Variants in WNK1 observed in about 807,000 individuals in gnomAD.
WNK1 encodes serine/threonine-protein kinase WNK1.
Under a neutral mutation model 222.8 loss-of-function variants are expected in WNK1, and 38 were observed. The observed-to-expected ratio is 0.17, with a 90% CI of 0.13 to 0.22. The LOEUF (loss-of-function observed/expected upper bound fraction) is 0.22. Among genes scored for constraint, WNK1 ranks in the 10% least tolerant of loss-of-function variants. The probability of loss-of-function intolerance (pLI) is 1.00; values close to 1 mark genes in which losing one functional copy is unlikely to be tolerated. For synonymous variants in WNK1, 1,090 were observed against 1,092.9 expected (o/e 1.00, Z 0.05); for missense variants, 2,348 against 2,918.4 (o/e 0.80, Z 4.50).
At chr12:832,099 G>T (rs181727015) in intron 4 of WNK1, among the ~76,000 whole-genome samples, 1 of 151,496 alleles carries the variant, frequency 6.6e-6, no homozygotes, top group Non-Finnish European at 1.5e-5. Context: ...TTTTTGAGAC[G>T]GCGTCTCGCT....
chr12:765,847 TAG>T (rs573951873), intron 1 of WNK1, among the ~76,000 whole-genome samples: 11 of 152,202 alleles, frequency 7.2e-5, no homozygotes, highest in Admixed American at 3.3e-4. Flanking sequence ...TTAAAGTATA[TAG>T]AGTGTTGTTT....
chr12:861,786 T>G (rs778579658), intron 7 of WNK1, among the ~76,000 whole-genome samples: 3 of 152,210 alleles, frequency 2.0e-5, no homozygotes, highest in Non-Finnish European at 4.4e-5. Context: ...ACTGAGAACC[T>G]CCTGGCCTCC....
chr12:853,691 T>C (rs750212250), intron 4 of WNK1, among the ~76,000 whole-genome samples: 1 of 152,262 alleles, frequency 6.6e-6, no homozygotes, highest in Non-Finnish European at 1.5e-5. Context: ...GTTAAATTAA[T>C]ACATAGTTTT....
chr12:771,887 C>T (rs1942547355), intron 1 of WNK1, among the ~76,000 whole-genome samples: 1 of 151,988 alleles, frequency 6.6e-6, no homozygotes, highest in African/African-American at 2.4e-5. Flanking sequence ...TAGCTTCAAG[C>T]AATCCTCCTG....
chr12:904,378 C>T (rs1342254401), intron 26 of WNK1: 4 of 1,187,352 alleles, frequency 3.4e-6, no homozygotes, highest in Non-Finnish European at 4.5e-6. Context: ...CGTTTGTGTG[C>T]TGTTTGGAGA....
At chr12:907,753 G>A (rs1476543529) in intron 26 of WNK1, 94 bp from the exon 27 acceptor site, 1 of 1,411,546 alleles carries the variant, frequency 7.1e-7, no homozygotes, top group African/African-American at 1.4e-5. Context: ...TTCTCATTCT[G>A]TGGCTTGCCA....
rs936879454 is a variant in WNK1, at chr12:759,533, G to A, written c.759+5209G>A. Among the ~76,000 whole-genome samples the A allele has an allele frequency of 2.7e-5, 4 of 147,396 alleles. 1 individual carries two copies. Among genetic ancestry groups the A allele is most frequent in the Non-Finnish European group, 6.1e-5 (4 of 66,006 alleles). On this transcript the variant is annotated intron_variant, in intron 1 of 27. Coordinates refer to ENST00000315939, the MANE Select transcript of WNK1 (RefSeq NM_018979.4). Reference sequence around the variant, plus strand: ...TTTAGTAGAGATGGGGTTTCACCATGTTGGCCAGGCTGGTCTTGAACACCT... The same window carrying A: ...TTTAGTAGAGATGGGGTTTCACCATATTGGCCAGGCTGGTCTTGAACACCT...
chr12:820,553 A>G (rs1174729715), intron 2 of WNK1, among the ~76,000 whole-genome samples: 8 of 148,118 alleles, frequency 5.4e-5, no homozygotes, highest in African/African-American at 2.5e-5. Context: ...ATAGCTCACT[A>G]CAGACTTGAA....
At chr12:840,291 C>CTTTT (rs71441622) in intron 4 of WNK1, among the ~76,000 whole-genome samples, 16 of 128,410 alleles carry the variant, frequency 1.2e-4, no homozygotes, top group African/African-American at 2.7e-4. Context: ...CCATGTCCAG[C>CTTTT]TTTTTTTTTT....
intron 26 of WNK1, among the ~76,000 whole-genome samples, chr12:903,828 T>C (rs2154100527): frequency 6.6e-6 from 1 of 152,348 alleles, no homozygotes; most frequent in South Asian, 2.1e-4. Flanking sequence ...TATTCTATGC[T>C]CTCAAAATAG....
At chr12:851,367 C>T (rs185691693) in intron 4 of WNK1, 107 of 1,059,462 alleles carry the variant, frequency 1.0e-4, no homozygotes, top group East Asian at 1.5e-4. Context: ...AGAAACTGTG[C>T]GCAAAGTAGG....
In WNK1 at chr12:908,858, T is replaced by TGGGTGGGGGG. The variant is rs1955915472; in HGVS notation, c.*69_*70insTGGGGGGGGG. On this transcript the variant is annotated 3_prime_UTR_variant, in exon 28 of 28. Coordinates refer to ENST00000315939, the MANE Select transcript of WNK1 (RefSeq NM_018979.4). ...GGAATGCTGAGGGGGTGGGTGGGGG[T>TGGGTGGGGGG]GGGAAGTAGCCTATATACTAACTAC... 3.5e-6 allele frequency: 1 copy of TGGGTGGGGGG among 288,620 alleles called. No homozygotes were observed. The highest frequency in any genetic ancestry group is 3.4e-5 in the African/African-American group (1 of 29,398). The allele number at this position is 288,620 out of a possible 1,614,324, so 17.9% of individuals were successfully genotyped here.
chr12:908,861 G>GCC lies in WNK1; in HGVS notation c.*69_*70insCC. ...ATGCTGAGGGGGTGGGTGGGGGTGG[G>GCC]AAGTAGCCTATATACTAACTACTAG... On this transcript the variant is annotated 3_prime_UTR_variant, in exon 28 of 28. Coordinates refer to ENST00000315939, the MANE Select transcript of WNK1 (RefSeq NM_018979.4). The GCC allele has an allele frequency of 2.0e-6, 1 of 491,844 alleles. No individual in the cohort carries two copies. Among genetic ancestry groups the GCC allele is most frequent in the East Asian group, 6.0e-5 (1 of 16,746 alleles). The allele number at this position is 491,844 out of a possible 1,614,324, so 30.5% of individuals were successfully genotyped here.
rs137977872 is a variant in WNK1 at position 764,710 on chromosome 12, A to G, written c.759+10386A>G. Among the ~76,000 whole-genome samples the G allele has an allele frequency of 3.6e-3, 525 of 145,784 alleles. 19 individuals are homozygous for G. The highest frequency in any genetic ancestry group is 0.012 in the African/African-American group (508 of 40,860). On this transcript the variant is annotated intron_variant, in intron 1 of 27. Coordinates refer to ENST00000315939, the MANE Select transcript of WNK1 (RefSeq NM_018979.4). ...AAACAGCCCTGACAAAAAGAAATTAAAAAAAAAGTCAGTAACAATTAAATT... is the reference window on the plus strand; with the variant it reads ...AAACAGCCCTGACAAAAAGAAATTAGAAAAAAAGTCAGTAACAATTAAATT...
At chr12:797,371 G>A (rs575970501) in intron 1 of WNK1, among the ~76,000 whole-genome samples, 6 of 152,282 alleles carry the variant, frequency 3.9e-5, no homozygotes, top group African/African-American at 1.2e-4. Flanking sequence ...AGAAACATCA[G>A]ATTAGTGGTT....
At chr12:757,424 C>T (rs569674736) in intron 1 of WNK1, among the ~76,000 whole-genome samples, 2 of 142,898 alleles carry the variant, frequency 1.4e-5, no homozygotes, top group African/African-American at 5.1e-5. Context: ...CTCCTGGGTT[C>T]AAGCGATTCT....
chr12:895,978 A>G, intron 23 of WNK1, 93 bp from the exon 24 acceptor site: 2 of 1,549,958 alleles, frequency 1.3e-6, no homozygotes, highest in South Asian at 2.3e-5. Context: ...TGACAGGGAA[A>G]TAAAGTGATT....
chr12:886,652 C>T (rs1463225372), intron 19 of WNK1, among the ~76,000 whole-genome samples: 3 of 152,194 alleles, frequency 2.0e-5, no homozygotes, highest in African/African-American at 7.2e-5. Flanking sequence ...CTCCAAATAA[C>T]AAGGCTGTGT....
chr12:899,300 T>TTTTTTGTTTTG (rs71051401), intron 25 of WNK1, among the ~76,000 whole-genome samples: 127,279 of 151,438 alleles, frequency 0.84, 53,571 homozygotes, highest in Admixed American at 0.86. Flanking sequence ...CAATCAGATC[T>TTTTTTGTTTTG]TTTTTGTTTT....
Sources: allele counts gnomAD v4.1 joint callset (sites outside exome capture counted in the v4.1 genomes callset), GRCh38; gene constraint gnomAD v4.1.1; transcripts MANE v1.5; gene names NCBI Gene and HGNC (gene_info 2026-07-23, HGNC 2026-07-21).